The following RNF38 variants were observed in gnomAD, a reference collection of about 807,000 sequenced individuals.
The protein encoded by RNF38 is ring finger protein 38.
In RNF38, 15 loss-of-function variants were observed where a neutral mutation model predicts 67.2. That is an observed-to-expected ratio of 0.22 (90% CI 0.15 to 0.34). The LOEUF is 0.34. RNF38 is among the 10% of genes least tolerant of loss of function. RNF38 has a pLI of 1.00. For synonymous variants in RNF38, 220 were observed against 218.8 expected (o/e 1.01, Z -0.05); for missense variants, 524 against 639.9 (o/e 0.82, Z 1.95).
At chr9:36,407,587 C>T (rs894729573) in intron 2 of RNF38, among the ~76,000 whole-genome samples, 1 of 152,194 alleles carries the variant, frequency 6.6e-6, no homozygotes, top group Admixed American at 6.5e-5. Context: ...GCATATTCAA[C>T]CTCTAGAACA....
chr9:36,416,938 G>T lies in RNF38; in HGVS notation n.312+7675C>A, dbSNP rs557155931. Among the ~76,000 whole-genome samples the T allele has an allele frequency of 2.0e-5, 3 of 151,844 alleles. No homozygotes were observed. The East Asian group carries it at 5.8e-4, about 29-fold the overall frequency. ...AGCTAATTTCTGTATTTTTAGTAGA[G>T]ATAGGATTTCGCCACGTTAGCCAGG... is the stretch of plus-strand genomic sequence containing the variant. On this transcript the variant is annotated intron_variant and non_coding_transcript_variant, in intron 2 of 3. Coordinates refer to the RNF38 transcript ENST00000488058.
chr9:36,401,249 G>A (rs2134161598), upstream of RNF38: 1 of 983,300 alleles, frequency 1.0e-6, no homozygotes, highest in Non-Finnish European at 1.2e-6. Flanking sequence ...GCACGACTCG[G>A]ACCAGTTCCG....
At chr9:36,369,166 T>C (rs1835186468) in intron 4 of RNF38, among the ~76,000 whole-genome samples, 2 of 152,218 alleles carry the variant, frequency 1.3e-5, no homozygotes, top group Non-Finnish European at 2.9e-5. Context: ...TTGTCTGCTA[T>C]TTCCTACTAA....
At chr9:36,411,549 G>A (rs1838325511) in intron 2 of RNF38, among the ~76,000 whole-genome samples, 1 of 152,092 alleles carries the variant, frequency 6.6e-6, no homozygotes, top group Admixed American at 6.6e-5. Context: ...AACAAAATGT[G>A]ATGTATATTA....
At chr9:36,352,950 T>C in intron 7 of RNF38, 102 bp from the exon 8 acceptor site, 2 of 923,024 alleles carry the variant, frequency 2.2e-6, no homozygotes, top group Non-Finnish European at 3.3e-6. Context: ...GTAAAGTTCT[T>C]TATTGTTCAA....
intron 2 of RNF38, among the ~76,000 whole-genome samples, chr9:36,411,853 A>C (rs896399823): frequency 6.6e-6 from 1 of 152,084 alleles, no homozygotes; most frequent in African/African-American, 2.4e-5. Flanking sequence ...ATAGGCATGA[A>C]CCACCACGCT....
intron 1 of RNF38, among the ~76,000 whole-genome samples, chr9:36,485,642 C>G (rs1259101911): frequency 4.6e-5 from 7 of 152,158 alleles, no homozygotes. Context: ...AAATCTAACC[C>G]ATCTTGTCTG....
chr9:36,474,642 T>C (rs1840081280), intron 1 of RNF38, among the ~76,000 whole-genome samples: 1 of 148,154 alleles, frequency 6.7e-6, no homozygotes, highest in Non-Finnish European at 1.5e-5. Context: ...GTACAATAAG[T>C]ATAATATGAG....
At chr9:36,344,333 T>A in intron 10 of RNF38, among the ~76,000 whole-genome samples, 1 of 152,172 alleles carries the variant, frequency 6.6e-6, no homozygotes, top group Non-Finnish European at 1.5e-5. Flanking sequence ...ACATTTTAAA[T>A]GAGTGGAATT....
At chr9:36,391,206 C>G (rs1161367897) in intron 1 of RNF38, among the ~76,000 whole-genome samples, 1 of 152,122 alleles carries the variant, frequency 6.6e-6, no homozygotes, top group Non-Finnish European at 1.5e-5. Context: ...AAATGACTGC[C>G]ACATTTCCAA....
chr9:36,436,108 C>T (rs1587133870), intron 1 of RNF38, among the ~76,000 whole-genome samples: 1 of 152,198 alleles, frequency 6.6e-6, no homozygotes, highest in East Asian at 1.9e-4. Context: ...TAAGGATAGA[C>T]TCTGCGTGTA....
intron 1 of RNF38, among the ~76,000 whole-genome samples, chr9:36,438,465 G>T (rs564315896): frequency 9.9e-5 from 15 of 151,888 alleles, no homozygotes; most frequent in Non-Finnish European, 1.6e-4. Context: ...TGTATTTTAT[G>T]TGTGCCCCAA....
At chr9:36,394,950 G>C (rs1837407332) in intron 1 of RNF38, among the ~76,000 whole-genome samples, 7 of 152,254 alleles carry the variant, frequency 4.6e-5, no homozygotes, top group African/African-American at 1.7e-4. Flanking sequence ...AATGCAACCT[G>C]TATTTAAAAA....
chr9:36,420,532 C>CAAAAAAAAAAAAAAAAAAAAAAAAAAA lies in RNF38; in HGVS notation n.312+4080_312+4081insTTTTTTTTTTTTTTTTTTTTTTTTTTT, dbSNP rs59641483. ...GGGCAACAGAGCAAGACTCTGTCTCCAAAAAAAAAAAAAAAGAGGACAACC... is the reference window on the plus strand; with the variant it reads ...GGGCAACAGAGCAAGACTCTGTCTCCAAAAAAAAAAAAAAAAAAAAAAAAAAAAAAAAAAAAAAAAAAGAGGACAACC... On this transcript the variant is annotated intron_variant and non_coding_transcript_variant, in intron 2 of 3. Coordinates refer to the RNF38 transcript ENST00000488058. Among the ~76,000 whole-genome samples the CAAAAAAAAAAAAAAAAAAAAAAAAAAA allele has an allele frequency of 8.5e-4, 62 of 73,306 alleles. 6 individuals are homozygous for CAAAAAAAAAAAAAAAAAAAAAAAAAAA. The highest frequency in any genetic ancestry group is 1.6e-3 in the East Asian group (4 of 2,436). The allele number at this position is 73,306 out of a possible 152,430, so 48.1% of individuals were successfully genotyped here.
At chr9:36,456,643 C>T (rs1057195563) in intron 1 of RNF38, among the ~76,000 whole-genome samples, 4 of 151,976 alleles carry the variant, frequency 2.6e-5, no homozygotes, top group African/African-American at 9.7e-5. Flanking sequence ...TTCTCTGGGC[C>T]TCTTCCTGCA....
At chr9:36,418,754 C>T (rs2134224557) in intron 2 of RNF38, among the ~76,000 whole-genome samples, 1 of 152,150 alleles carries the variant, frequency 6.6e-6, no homozygotes, top group East Asian at 1.9e-4. Context: ...CCACTGCACT[C>T]CAGCCTGGGT....
chr9:36,479,071 T>A (rs1840188887), intron 1 of RNF38, among the ~76,000 whole-genome samples: 1 of 152,178 alleles, frequency 6.6e-6, no homozygotes, highest in African/African-American at 2.4e-5. Context: ...TGTATTCACT[T>A]AAACACGTTC....
At chr9:36,382,454 A>C (rs984103971) in intron 2 of RNF38, among the ~76,000 whole-genome samples, 2 of 152,234 alleles carry the variant, frequency 1.3e-5, no homozygotes, top group African/African-American at 2.4e-5. Context: ...TGAGGCAGGC[A>C]TAAGAATGCA....
chr9:36,401,199 G>A (rs981783504), upstream of RNF38: 23 of 898,486 alleles, frequency 2.6e-5, no homozygotes, highest in Admixed American at 9.8e-4. Flanking sequence ...GAGGGGGAAG[G>A]GGGCGGGGCG....
Sources: allele counts gnomAD v4.1 joint callset (sites outside exome capture counted in the v4.1 genomes callset), GRCh38; gene constraint gnomAD v4.1.1; transcripts MANE v1.5; gene names NCBI Gene and HGNC (gene_info 2026-07-23, HGNC 2026-07-21).